The following NPAS3 variants were observed in gnomAD, a reference collection of about 807,000 sequenced individuals.
NPAS3 encodes neuronal PAS domain-containing protein 3.
NPAS3 carries 14 observed loss-of-function variants against 73.1 expected under a neutral mutation model. That is an observed-to-expected ratio of 0.19 (90% CI 0.13 to 0.30). The LOEUF is 0.30. Ranked by LOEUF, NPAS3 falls within the 10% of genes least tolerant of loss-of-function variation. The pLI, the probability that NPAS3 is intolerant of heterozygous loss-of-function variation, is 1.00. For synonymous variants in NPAS3, 620 were observed against 541.5 expected (o/e 1.14, Z -2.01); for missense variants, 1,096 against 1,250.0 (o/e 0.88, Z 1.86).
chr14:33,534,697 C>T (rs1302750162), intron 4 of NPAS3, among the ~76,000 whole-genome samples: 1 of 152,126 alleles, frequency 6.6e-6, no homozygotes, highest in Non-Finnish European at 1.5e-5. Flanking sequence ...CTATGAACCT[C>T]GTACATCTTA....
intron 5 of NPAS3, among the ~76,000 whole-genome samples, chr14:33,636,524 G>A (rs1373671839): frequency 2.0e-5 from 3 of 151,292 alleles, no homozygotes; most frequent in Non-Finnish European, 4.4e-5. Context: ...CTTTCCTAAC[G>A]CCACAGTGAC....
At chr14:33,077,885 C>T (rs982911592) in intron 2 of NPAS3, among the ~76,000 whole-genome samples, 6 of 148,878 alleles carry the variant, frequency 4.0e-5, no homozygotes, top group East Asian at 2.0e-4. Flanking sequence ...CAGTGGCTCA[C>T]GCCTGTAATC....
At chr14:33,712,421 C>T (rs983716379) in intron 6 of NPAS3, among the ~76,000 whole-genome samples, 2 of 152,120 alleles carry the variant, frequency 1.3e-5, no homozygotes, top group African/African-American at 4.8e-5. Context: ...GGCTTCATAC[C>T]CTGGGTTCAT....
At chr14:33,560,465 G>C (rs772796586) in intron 5 of NPAS3, 74 of 323,782 alleles carry the variant, frequency 2.3e-4, no homozygotes, top group Non-Finnish European at 3.8e-4. Flanking sequence ...GAGAACAAAT[G>C]AAGTTTCTTC....
chr14:33,110,778 C>A (rs945345), intron 2 of NPAS3, among the ~76,000 whole-genome samples: 126,698 of 150,438 alleles, frequency 0.84, 52,799 homozygotes, highest in Middle Eastern at 0.93. Flanking sequence ...AGGTTCAGTC[C>A]GGGGACGGGA....
At position 33,792,028 on chromosome 14, in the gene NPAS3, A is replaced by G. The variant is rs373218746; in HGVS notation, c.1154-1869A>G. Among the ~76,000 whole-genome samples, 38 of 152,354 alleles carry G rather than the reference A, an allele frequency of 2.5e-4. 1 individual carries two copies. The South Asian group carries it at 7.4e-3, about 30-fold the overall frequency. ...TATATAACCCATCGTTCCTCTGTTA[A>G]TAGTTAACCAGGTTGAGAGGATTTG... On this transcript the variant is annotated intron_variant, in intron 9 of 11. Transcript: ENST00000356141.
intron 3 of NPAS3, among the ~76,000 whole-genome samples, chr14:33,258,559 G>T (rs2139939203): frequency 6.6e-6 from 1 of 152,286 alleles, no homozygotes; most frequent in Non-Finnish European, 1.5e-5. Context: ...GAAAGCTGAA[G>T]AAAAGAATTC....
At chr14:33,159,836 A>C (rs1160665768) in intron 2 of NPAS3, among the ~76,000 whole-genome samples, 1 of 152,190 alleles carries the variant, frequency 6.6e-6, no homozygotes, top group African/African-American at 2.4e-5. Context: ...TATAGGCGTG[A>C]GCCACTGCGT....
chr14:32,954,767 C>A (rs1248311828), intron 1 of NPAS3, among the ~76,000 whole-genome samples: 2 of 152,134 alleles, frequency 1.3e-5, no homozygotes, highest in Non-Finnish European at 2.9e-5. Context: ...TAAATCATCA[C>A]CTTACTTATC....
intron 1 of NPAS3, among the ~76,000 whole-genome samples, chr14:32,991,690 G>T (rs2038341176): frequency 6.6e-6 from 1 of 152,178 alleles, no homozygotes; most frequent in African/African-American, 2.4e-5. Flanking sequence ...AAGCGATTTG[G>T]ATTATAAATG....
chr14:33,566,654 C>G (rs1434072811), intron 5 of NPAS3, among the ~76,000 whole-genome samples: 1 of 152,130 alleles, frequency 6.6e-6, no homozygotes, highest in Non-Finnish European at 1.5e-5. Context: ...CTAATGTTCT[C>G]CTATAATGCA....
chr14:33,017,662 G>T (rs767394110), intron 1 of NPAS3, among the ~76,000 whole-genome samples: 9 of 152,146 alleles, frequency 5.9e-5, no homozygotes, highest in Non-Finnish European at 1.2e-4. Context: ...CTTAAAGCCT[G>T]GCCCTGTCAT....
At chr14:33,097,416 T>C (rs2042454240) in intron 2 of NPAS3, among the ~76,000 whole-genome samples, 1 of 152,252 alleles carries the variant, frequency 6.6e-6, no homozygotes, top group Admixed American at 6.5e-5. Context: ...GTGTTTCATT[T>C]TGAGAATATA....
At chr14:33,266,850 A>G (rs1025213504) in intron 3 of NPAS3, among the ~76,000 whole-genome samples, 1 of 152,212 alleles carries the variant, frequency 6.6e-6, no homozygotes, top group Admixed American at 6.5e-5. Flanking sequence ...GGTATTGTCA[A>G]CAGCTCTTAT....
chr14:33,074,718 CACTT>C lies in NPAS3; in HGVS notation c.140+18725_140+18728del, dbSNP rs1041776869. ...AGGTGTGAGCCACGCGCTCGGCCAACACTTTCTTTCTTAAAGGCAGATCCCATCG... is the reference window on the plus strand; with the variant it reads ...AGGTGTGAGCCACGCGCTCGGCCAACTCTTTCTTAAAGGCAGATCCCATCG... On this transcript the variant is annotated intron_variant, in intron 2 of 11. Coordinates refer to ENST00000356141, the Ensembl canonical transcript of NPAS3. 4.4e-4 allele frequency among the ~76,000 whole-genome samples: 67 copies of C among 152,278 alleles called. 1 individual carries two copies. Among genetic ancestry groups the C allele is most frequent in the African/African-American group, 1.5e-3 (61 of 41,564 alleles).
chr14:32,986,020 A>G (rs1370329690), intron 1 of NPAS3, among the ~76,000 whole-genome samples: 4 of 152,182 alleles, frequency 2.6e-5, no homozygotes, highest in Non-Finnish European at 5.9e-5. Flanking sequence ...CAGCCCTGAG[A>G]GTCCACATGG....
chr14:33,649,051 C>A (rs771639912), intron 5 of NPAS3, among the ~76,000 whole-genome samples: 1 of 152,164 alleles, frequency 6.6e-6, no homozygotes, highest in Non-Finnish European at 1.5e-5. Flanking sequence ...CCTATACAGG[C>A]AATAACTCAA....
At chr14:33,397,166 G>A (rs1251119437) in intron 4 of NPAS3, among the ~76,000 whole-genome samples, 3 of 152,086 alleles carry the variant, frequency 2.0e-5, no homozygotes, top group African/African-American at 7.2e-5. Context: ...ATTCATACCA[G>A]TCACAGATCC....
intron 5 of NPAS3, among the ~76,000 whole-genome samples, chr14:33,667,407 T>A (rs2059483243): frequency 1.3e-5 from 2 of 152,170 alleles, no homozygotes; most frequent in Non-Finnish European, 2.9e-5. Flanking sequence ...GTTTGCTCCC[T>A]CACCACCACC....
Sources: gnomAD v4.1 joint callset for allele counts (sites outside exome capture counted in the v4.1 genomes callset) on GRCh38, gnomAD v4.1.1 for gene constraint, MANE v1.5 for transcripts, NCBI Gene and HGNC (gene_info 2026-07-23, HGNC 2026-07-21) for gene names.